CPT2: variants seen among roughly 807,000 people sequenced by gnomAD.
The protein encoded by CPT2 is carnitine palmitoyltransferase 2.
A neutral mutation model predicts 48.6 loss-of-function variants in CPT2; 37 were observed. That is an observed-to-expected ratio of 0.76 (90% CI 0.59 to 1.00). The LOEUF (loss-of-function observed/expected upper bound fraction) is 1.00. Among genes scored for constraint, CPT2 ranks in the 50% least tolerant of loss-of-function variants. CPT2 has a pLI of 0.00. For synonymous variants in CPT2, 319 were observed against 326.9 expected (o/e 0.98, Z 0.26); for missense variants, 772 against 825.6 (o/e 0.94, Z 0.80).
At chr1:53,202,241 CTATTA>C (rs1645357886) in intron 2 of CPT2, 77 bp from the exon 3 acceptor site, 8 of 1,113,168 alleles carry the variant, frequency 7.2e-6, no homozygotes, top group East Asian at 4.9e-5. Flanking sequence ...ACCCAAAACT[CTATTA>C]TGAGTTCCTC....
At chr1:53,203,028 C>G (rs1341190050) in intron 3 of CPT2, 1 of 157,112 alleles carries the variant, frequency 6.4e-6, no homozygotes, top group African/African-American at 2.4e-5. Flanking sequence ...ATATATTTAC[C>G]AAGGTTATAC....
intron 2 of CPT2, 128 bp from the exon 3 acceptor site, chr1:53,202,195 G>T: frequency 1.4e-6 from 1 of 717,064 alleles, no homozygotes. Context: ...GGTACTTTCT[G>T]ATCTCATTCC....
At chr1:53,212,414 G>A (rs1054476143) in intron 4 of CPT2, among the ~76,000 whole-genome samples, 3 of 151,454 alleles carry the variant, frequency 2.0e-5, no homozygotes, top group East Asian at 2.0e-4. Flanking sequence ...TGCCCAAGGT[G>A]GTCTCAAACT....
rs1645421095 is a variant in CPT2, at chr1:53,210,865, C to CA, written c.1192dup (p.Thr398AsnfsTer10). 6.2e-7 allele frequency: 1 copy of CA among 1,614,060 alleles called. No individual in the cohort carries two copies. The highest frequency in any genetic ancestry group is 1.7e-5 in the Admixed American group (1 of 60,006). ...AAGACAGCACTCAGACCCCTGCCGT[C>CA]ACTCCACAGAGCCAGCCAGCTACCA... On this transcript the variant is annotated frameshift_variant, in exon 4 of 5. Coordinates refer to ENST00000371486, the MANE Select transcript of CPT2 (RefSeq NM_000098.3). LOFTEE classifies it high-confidence loss of function.
At chr1:53,197,565 T>G in intron 1 of CPT2, 1 of 258,786 alleles carries the variant, frequency 3.9e-6, no homozygotes, top group Non-Finnish European at 7.7e-6. Context: ...CAGCACCGCC[T>G]TCACCCCTGT....
At chr1:53,206,341 C>T (rs1572382904) in intron 3 of CPT2, among the ~76,000 whole-genome samples, 1 of 152,220 alleles carries the variant, frequency 6.6e-6, no homozygotes, top group Non-Finnish European at 1.5e-5. Flanking sequence ...TTAGAGCCCC[C>T]ACACAGAGTT....
At chr1:53,209,551 G>C (rs1645408089) in intron 3 of CPT2, 1 of 194,538 alleles carries the variant, frequency 5.1e-6, no homozygotes, top group Admixed American at 5.3e-5. Flanking sequence ...CGAGGCGGGT[G>C]GATCACCTGA....
Position 53,210,746 on chromosome 1 carries a change from C to T in CPT2, c.1072C>T (p.Leu358Phe), listed in dbSNP as rs199894581. The T allele has an allele frequency of 3.1e-6, 5 of 1,614,224 alleles. No individual in the cohort carries two copies. The highest frequency in any genetic ancestry group is 1.3e-5 in the African/African-American group (1 of 75,062). ...CCGCTGGTTTGATAAATCCTTTAACCTCATTATCGCCAAGGATGGCTCTAC... is the reference window on the plus strand; with the variant it reads ...CCGCTGGTTTGATAAATCCTTTAACTTCATTATCGCCAAGGATGGCTCTAC... ...TNRWFDKSFN[L>F]IIAKDGSTAV... is the part of the protein sequence containing the mutation. The change falls in exon 4 of 5, where the codon CTC (leucine) becomes TTC (phenylalanine). Residue 358 changes from leucine (L) to phenylalanine (F), a missense_variant. Coordinates refer to ENST00000371486, the MANE Select transcript of CPT2 (RefSeq NM_000098.3).
At chr1:53,202,502 T>A in intron 3 of CPT2, 73 bp downstream of exon 3, 1 of 1,237,994 alleles carries the variant, frequency 8.1e-7, no homozygotes, top group Non-Finnish European at 1.2e-6. Context: ...TATTCTCTCC[T>A]GTTTTGGTCT....
In CPT2 at chr1:53,213,976, T is replaced by G. The variant is rs923144400; in HGVS notation, c.*381T>G. ...GGGCCTGTGTAGCCAGTGGGTGCTA[T>G]TCTGTGAAACTAATCATAAGCTGCC... On this transcript the variant is annotated 3_prime_UTR_variant, in exon 5 of 5. Coordinates refer to ENST00000371486, the MANE Select transcript of CPT2 (RefSeq NM_000098.3). 6 of 253,374 alleles carry G rather than the reference T, an allele frequency of 2.4e-5. No individual in the cohort carries two copies. The highest frequency in any genetic ancestry group is 2.1e-4 in the East Asian group (2 of 9,484). 15.7% of individuals were successfully genotyped at this position (253,374 alleles called of 1,614,324 possible).
At chr1:53,211,408 C>A in intron 4 of CPT2, 89 bp downstream of exon 4, 2 of 1,340,102 alleles carry the variant, frequency 1.5e-6, no homozygotes, top group Non-Finnish European at 2.1e-6. Context: ...AATCTGATTT[C>A]TACCCGTTCA....
Position 53,200,701 on chromosome 1 carries a change from A to T in CPT2, c.153-18A>T. ...TCCATATACTGTCAGCCTTACACTG[A>T]CCCTGCTTTCTCCCCAGGCTGCCTA... is the stretch of plus-strand genomic sequence containing the variant. On this transcript the variant is annotated intron_variant, in intron 1 of 4. Coordinates refer to ENST00000371486, the MANE Select transcript of CPT2 (RefSeq NM_000098.3). The T allele has an allele frequency of 6.3e-7, 1 of 1,594,424 alleles. No homozygotes were observed. Among genetic ancestry groups the T allele is most frequent in the Non-Finnish European group, 8.6e-7 (1 of 1,162,338 alleles).
intron 4 of CPT2, chr1:53,211,600 C>A (rs866215835): frequency 4.5e-5 from 17 of 374,822 alleles, no homozygotes; most frequent in Non-Finnish European, 8.0e-5. Context: ...TTTTTTCTTT[C>A]TTTTTTTTTT....
chr1:53,211,012 CCA>C lies in CPT2; in HGVS notation c.1339_1340del (p.Gln447ValfsTer17). ...TGAAAACCCTCACTATTGACTGCGTCCAGTTTCAGAGAGGAGGCAAAGAATTC... is the reference window on the plus strand; with the variant it reads ...TGAAAACCCTCACTATTGACTGCGTCGTTTCAGAGAGGAGGCAAAGAATTC... ...TMKTLTIDCVQFQRGGKEFLK... is the reference protein window; with the variant it reads ...TMKTLTIDCVXFQRGGKEFLK... On this transcript the variant is annotated frameshift_variant, in exon 4 of 5. Coordinates refer to ENST00000371486, the MANE Select transcript of CPT2 (RefSeq NM_000098.3). LOFTEE classifies it high-confidence loss of function. 6.2e-7 allele frequency: 1 copy of C among 1,614,194 alleles called. No individual in the cohort carries two copies. The highest frequency in any genetic ancestry group is 8.5e-7 in the Non-Finnish European group (1 of 1,180,038).
Position 53,210,497 on chromosome 1 carries a change from T to C in CPT2, c.823T>C (p.Tyr275His). ...CTCGGAAATCCAGGCACATCTGAAG[T>C]ACATTCTCTCAGACAGCAGCCCCGC... is the stretch of plus-strand genomic sequence containing the variant. ...SPSEIQAHLK[Y>H]ILSDSSPAPE... The change falls in exon 4 of 5, where the codon TAC (tyrosine) becomes CAC (histidine). Residue 275 changes from tyrosine to histidine, a missense_variant. Transcript: ENST00000371486. 1 of 1,614,090 alleles carries C rather than the reference T, an allele frequency of 6.2e-7. No individual in the cohort carries two copies. The highest frequency in any genetic ancestry group is 8.5e-7 in the Non-Finnish European group (1 of 1,180,022).
rs1645411766 is a variant in CPT2, at chr1:53,210,088, T to A, written c.414T>A (p.Asn138Lys). ...ACTTTAATCCATTTATGGCTTTCAA[T>A]CCTGACCCAAAATCTGAGTATAATG... Reference protein sequence around the residue: ...VLNFNPFMAFNPDPKSEYNDQ... With the variant: ...VLNFNPFMAFKPDPKSEYNDQ... Residue 138 changes from asparagine to lysine, a missense_variant, in exon 4 of 5, where the codon AAT (asparagine) becomes AAA (lysine). Physicochemically the swap from Asn to Lys is moderately conservative, Grantham distance 94. Transcript: ENST00000371486. The A allele has an allele frequency of 6.2e-7, 1 of 1,614,080 alleles. No homozygotes were observed. The highest frequency in any genetic ancestry group is 8.5e-7 in the Non-Finnish European group (1 of 1,180,034).
intron 3 of CPT2, chr1:53,204,197 CTG>C (rs1007755851): frequency 3.5e-4 from 53 of 151,942 alleles, no homozygotes; most frequent in African/African-American, 1.2e-3. Flanking sequence ...TTTTTTTTCT[CTG>C]TTTTTTCTTT....
chr1:53,205,814 T>TGCAA (rs942479616), intron 3 of CPT2, among the ~76,000 whole-genome samples: 34 of 152,238 alleles, frequency 2.2e-4, no homozygotes, highest in African/African-American at 7.9e-4. Flanking sequence ...CTTCAGAGGG[T>TGCAA]GCAAGCCCCA....
intron 3 of CPT2, among the ~76,000 whole-genome samples, chr1:53,205,188 T>C (rs959796022): frequency 3.9e-5 from 6 of 152,188 alleles, no homozygotes; most frequent in African/African-American, 1.4e-4. Context: ...GATAGAGATA[T>C]GGACAATGAA....
Sources: gnomAD v4.1 joint callset for allele counts (sites outside exome capture counted in the v4.1 genomes callset) on GRCh38, gnomAD v4.1.1 for gene constraint, MANE v1.5 for transcripts, NCBI Gene and HGNC (gene_info 2026-07-23, HGNC 2026-07-21) for gene names.